UPK1B: variants seen among roughly 807,000 people sequenced by gnomAD.
UPK1B encodes uroplakin-1b.
A neutral mutation model predicts 34.2 loss-of-function variants in UPK1B; 28 were observed. The ratio of observed to expected loss-of-function variants is 0.82; its 90% CI spans 0.61 to 1.12. The LOEUF (loss-of-function observed/expected upper bound fraction) is 1.12, where lower values mean the gene tolerates loss of function less well. Among genes scored for constraint, UPK1B ranks in the 50% most tolerant of loss-of-function variants. The probability of loss-of-function intolerance (pLI) is 0.00; values close to 1 mark genes in which losing one functional copy is unlikely to be tolerated. For missense variants in UPK1B, 325 were observed against 320.9 expected, an observed-to-expected ratio of 1.01 and a Z score of -0.10; for synonymous variants, 81 against 110.4, an observed-to-expected ratio of 0.73 and a Z score of 1.67.
At chr3:119,190,917 T>C in intron 4 of UPK1B, 65 bp from the exon 5 acceptor site, 1 of 1,595,878 alleles carries the variant, frequency 6.3e-7, no homozygotes, top group Non-Finnish European at 8.6e-7. Flanking sequence ...CAGAGAAAAA[T>C]ATTTTCCTCT....
chr3:119,190,284 G>T lies in UPK1B; in HGVS notation c.310G>T (p.Ala104Ser). ...GTTTATAGTATATGCCTTTGAAGTG[G>T]CATCTTGTATCACAGCAGCAACACA... ...LMFIVYAFEVASCITAATQQD... is the reference protein window; with the variant it reads ...LMFIVYAFEVSSCITAATQQD... Residue 104 changes from alanine to serine, a missense_variant, in exon 4 of 8, where the codon GCA (alanine) becomes TCA (serine). By Grantham distance (99) the Ala-to-Ser change is moderately conservative. Transcript: ENST00000264234. 6.2e-7 allele frequency: 1 copy of T among 1,611,920 alleles called. No individual in the cohort carries two copies. The highest frequency in any genetic ancestry group is 8.5e-7 in the Non-Finnish European group (1 of 1,178,586).
At chr3:119,181,193 G>A (rs1017151127) in intron 1 of UPK1B, among the ~76,000 whole-genome samples, 1 of 152,150 alleles carries the variant, frequency 6.6e-6, no homozygotes, top group Non-Finnish European at 1.5e-5. Context: ...TGCTCTGTGA[G>A]CCCAGGATTC....
intron 1 of UPK1B, among the ~76,000 whole-genome samples, chr3:119,179,536 G>A (rs973278776): frequency 2.4e-4 from 4 of 16,826 alleles, no homozygotes; most frequent in South Asian, 1.0e-3. Context: ...TTGAGACGGA[G>A]TCTCGCTCTG....
chr3:119,191,924 A>G (rs770752214), intron 5 of UPK1B, among the ~76,000 whole-genome samples: 6 of 152,016 alleles, frequency 3.9e-5, no homozygotes, highest in Admixed American at 1.3e-4. Flanking sequence ...AGGGATTTCA[A>G]TATCTCACTT....
At position 119,187,155 on chromosome 3, in the gene UPK1B, G is replaced by C. The variant is rs575340439; in HGVS notation, c.69+345G>C. Among the ~76,000 whole-genome samples, 3 of 152,246 alleles carry C rather than the reference G, an allele frequency of 2.0e-5. No homozygotes were observed. The East Asian group carries it at 5.8e-4, about 29-fold the overall frequency. On this transcript the variant is annotated intron_variant, in intron 2 of 7. Coordinates refer to ENST00000264234, the MANE Select transcript of UPK1B (RefSeq NM_006952.4). ...ATTTCCATGGGACTCTGCTGTTAAGGTTTTTTGGGACAGATGCTTGCATCT... is the reference window on the plus strand; with the variant it reads ...ATTTCCATGGGACTCTGCTGTTAAGCTTTTTTGGGACAGATGCTTGCATCT...
chr3:119,203,158 C>T (rs1347922017), intron 7 of UPK1B, among the ~76,000 whole-genome samples: 1 of 151,734 alleles, frequency 6.6e-6, no homozygotes, highest in East Asian at 1.9e-4. Flanking sequence ...CTGGCTAACA[C>T]GGTGAAACCC....
chr3:119,203,388 A>G (rs1273734124), intron 7 of UPK1B, among the ~76,000 whole-genome samples: 1 of 151,306 alleles, frequency 6.6e-6, no homozygotes, highest in African/African-American at 2.4e-5. Context: ...TAACAAAGAC[A>G]TGGAACCAAC....
At chr3:119,179,492 A>G (rs1371484000) in intron 1 of UPK1B, among the ~76,000 whole-genome samples, 10 of 121,212 alleles carry the variant, frequency 8.3e-5, no homozygotes, top group Non-Finnish European at 1.2e-4. Flanking sequence ...TTTGGGGAAG[A>G]GTTGATGTTG....
intron 1 of UPK1B, among the ~76,000 whole-genome samples, chr3:119,183,071 A>T (rs1415719218): frequency 6.6e-6 from 1 of 152,224 alleles, no homozygotes. Flanking sequence ...TCTCCTGAGC[A>T]GGGAAATGTG....
At chr3:119,196,535 C>CTTT (rs34406185) in intron 6 of UPK1B, among the ~76,000 whole-genome samples, 4 of 107,176 alleles carry the variant, frequency 3.7e-5, no homozygotes, top group South Asian at 3.1e-4. Flanking sequence ...TTTTCTTTTT[C>CTTT]TTTTTTTTTT....
intron 1 of UPK1B, among the ~76,000 whole-genome samples, chr3:119,181,621 A>G (rs1425797974): frequency 6.6e-6 from 1 of 152,252 alleles, no homozygotes; most frequent in Non-Finnish European, 1.5e-5. Context: ...CCACTTCACC[A>G]TATTCTCTAA....
chr3:119,190,194 G>A (rs376078534), intron 3 of UPK1B, 51 bp from the exon 4 acceptor site: 173 of 1,379,586 alleles, frequency 1.3e-4, no homozygotes, highest in African/African-American at 1.2e-3. Flanking sequence ...TGGGCAAGTC[G>A]CTCTTTGACG....
chr3:119,198,986 T>C (rs1285945883), intron 6 of UPK1B, 71 bp from the exon 7 acceptor site: 1 of 1,554,326 alleles, frequency 6.4e-7, no homozygotes, highest in Admixed American at 1.7e-5. Flanking sequence ...AATAGGAACC[T>C]GCTTTCCCAT....
At chr3:119,198,939 G>A in intron 6 of UPK1B, 118 bp from the exon 7 acceptor site, 1 of 1,087,618 alleles carries the variant, frequency 9.2e-7, no homozygotes, top group South Asian at 1.5e-5. Flanking sequence ...AAATAGCCTG[G>A]ATATGTGAAA....
chr3:119,187,769 C>G lies in UPK1B; in HGVS notation c.70-6C>G, dbSNP rs75422009. 1.9e-6 allele frequency: 3 copies of G among 1,613,576 alleles called. No individual in the cohort carries two copies. The highest frequency in any genetic ancestry group is 2.5e-6 in the Non-Finnish European group (3 of 1,179,942). On this transcript the variant is annotated splice_polypyrimidine_tract_variant and splice_region_variant and intron_variant, in intron 2 of 7. Coordinates refer to ENST00000264234, the MANE Select transcript of UPK1B (RefSeq NM_006952.4). ...CTGATGGAGCCCACCTTTCATTTGCCCCCAGTGTTGCGGCATTGCCCTGAC... is the reference window on the plus strand; with the variant it reads ...CTGATGGAGCCCACCTTTCATTTGCGCCCAGTGTTGCGGCATTGCCCTGAC...
intron 1 of UPK1B, among the ~76,000 whole-genome samples, chr3:119,186,082 T>C (rs1397175492): frequency 1.3e-5 from 2 of 152,220 alleles, no homozygotes; most frequent in African/African-American, 4.8e-5. Flanking sequence ...TTTCTTCTTT[T>C]GCTACCGAAC....
At chr3:119,190,543 A>T (rs2078039278) in intron 4 of UPK1B, among the ~76,000 whole-genome samples, 1 of 152,248 alleles carries the variant, frequency 6.6e-6, no homozygotes. Context: ...GTCTAAAGTG[A>T]CATAGTTGGC....
chr3:119,196,212 C>T (rs145311535), intron 6 of UPK1B, among the ~76,000 whole-genome samples: 1 of 152,188 alleles, frequency 6.6e-6, no homozygotes, highest in East Asian at 1.9e-4. Flanking sequence ...TCTGATTCTC[C>T]CTAGCCCAGC....
chr3:119,182,230 C>T (rs1196029866), intron 1 of UPK1B, among the ~76,000 whole-genome samples: 1 of 152,120 alleles, frequency 6.6e-6, no homozygotes. Flanking sequence ...CCCTCCTGGT[C>T]CCTCGAGCAG....
Sources: allele counts gnomAD v4.1 joint callset (sites outside exome capture counted in the v4.1 genomes callset), GRCh38; gene constraint gnomAD v4.1.1; transcripts MANE v1.5; gene names NCBI Gene and HGNC (gene_info 2026-07-23, HGNC 2026-07-21).